Variants in LOC128092253 observed in about 807,000 individuals in gnomAD.
the LOC128092253 span, among the ~76,000 whole-genome samples, chr6:133,978,198 C>T: frequency 1.3e-5 from 2 of 152,108 alleles, no homozygotes. Flanking sequence ...TAACTGGGCT[C>T]TAATGTAATC....
At chr6:133,970,836 C>T in the LOC128092253 span, among the ~76,000 whole-genome samples, 1 of 151,974 alleles carries the variant, frequency 6.6e-6, no homozygotes, top group Non-Finnish European at 1.5e-5. Context: ...TTTTAATTGA[C>T]ACATGATTGT....
the LOC128092253 span, among the ~76,000 whole-genome samples, chr6:133,958,134 G>A: frequency 6.6e-6 from 1 of 152,176 alleles, no homozygotes; most frequent in African/African-American, 2.4e-5. Context: ...GAAAAGGAAG[G>A]CCGACAAAGC....
the LOC128092253 span, among the ~76,000 whole-genome samples, chr6:133,972,110 A>G: frequency 1.6e-4 from 24 of 152,204 alleles, no homozygotes; most frequent in Non-Finnish European, 2.6e-4. Flanking sequence ...CTGAAATTGT[A>G]TCTCAATGTA....
chr6:133,978,067 C>A, the LOC128092253 span, among the ~76,000 whole-genome samples: 1 of 152,128 alleles, frequency 6.6e-6, no homozygotes, highest in African/African-American at 2.4e-5. Flanking sequence ...TATTTTATTT[C>A]TGCCACATTG....
the LOC128092253 span, among the ~76,000 whole-genome samples, chr6:133,977,541 G>T: frequency 5.9e-5 from 9 of 152,054 alleles, no homozygotes; most frequent in African/African-American, 2.2e-4. Flanking sequence ...GAGTCAATTT[G>T]TTTTCTCCTG....
At chr6:133,958,238 C>A in the LOC128092253 span, among the ~76,000 whole-genome samples, 1 of 152,152 alleles carries the variant, frequency 6.6e-6, no homozygotes, top group Non-Finnish European at 1.5e-5. Context: ...AAGGAATAAA[C>A]CCCAATGGTT....
the LOC128092253 span, among the ~76,000 whole-genome samples, chr6:133,955,891 A>G: frequency 6.6e-6 from 1 of 152,254 alleles, no homozygotes; most frequent in Non-Finnish European, 1.5e-5. Context: ...TAACATAGAA[A>G]ATTGTCACAT....
the LOC128092253 span, among the ~76,000 whole-genome samples, chr6:133,973,926 G>A: frequency 1.4e-5 from 2 of 147,706 alleles, no homozygotes; most frequent in Non-Finnish European, 3.0e-5. Context: ...ATCAGAATGG[G>A]AACAACTATT....
At chr6:133,968,029 A>G in the LOC128092253 span, among the ~76,000 whole-genome samples, 2 of 140,112 alleles carry the variant, frequency 1.4e-5, no homozygotes, top group Middle Eastern at 3.8e-3. Flanking sequence ...TTTTTTTTTG[A>G]GACAGAGTCT....
chr6:133,970,004 T>G, the LOC128092253 span, among the ~76,000 whole-genome samples: 1 of 152,212 alleles, frequency 6.6e-6, no homozygotes. Flanking sequence ...TTTCACCTAA[T>G]AGAAGACTTG....
chr6:133,961,653 A>G, the LOC128092253 span, among the ~76,000 whole-genome samples: 2 of 151,670 alleles, frequency 1.3e-5, no homozygotes, highest in Non-Finnish European at 2.9e-5. Context: ...TTTAGTAGAG[A>G]TGGGGTTTCA....
the LOC128092253 span, among the ~76,000 whole-genome samples, chr6:133,979,385 G>T: frequency 6.6e-6 from 1 of 152,136 alleles, no homozygotes; most frequent in Admixed American, 6.5e-5. Context: ...CATGAGAAGG[G>T]TTATATGCCA....
At chr6:133,966,750 A>G in the LOC128092253 span, among the ~76,000 whole-genome samples, 5 of 152,036 alleles carry the variant, frequency 3.3e-5, no homozygotes, top group Non-Finnish European at 5.9e-5. Flanking sequence ...CCCCATATCA[A>G]TCAGAAAATT....
At chr6:133,968,668 TTTTTG>T in the LOC128092253 span, among the ~76,000 whole-genome samples, 8 of 152,134 alleles carry the variant, frequency 5.3e-5, no homozygotes, top group South Asian at 4.2e-4. Context: ...GCATCCAAGT[TTTTTG>T]TTTTGTTTTG....
the LOC128092253 span, among the ~76,000 whole-genome samples, chr6:133,976,150 T>C: frequency 6.6e-6 from 1 of 152,204 alleles, no homozygotes; most frequent in African/African-American, 2.4e-5. Context: ...GTTAACTCTT[T>C]TGCATTCAGT....
At chr6:133,960,418 C>CTTT in the LOC128092253 span, among the ~76,000 whole-genome samples, 4,199 of 131,528 alleles carry the variant, frequency 0.032, 79 homozygotes, top group Non-Finnish European at 0.045. Context: ...GCTGACCAGC[C>CTTT]TTTTTTTTTT....
the LOC128092253 span, among the ~76,000 whole-genome samples, chr6:133,973,969 A>G: frequency 6.9e-6 from 1 of 144,628 alleles, no homozygotes; most frequent in African/African-American, 2.6e-5. Flanking sequence ...ATATATATAT[A>G]TTTGTTTTTT....
chr6:133,975,023 T>C, the LOC128092253 span, among the ~76,000 whole-genome samples: 1 of 152,180 alleles, frequency 6.6e-6, no homozygotes, highest in East Asian at 1.9e-4. Flanking sequence ...AAGTATTAAG[T>C]ATTCAACTTA....
the LOC128092253 span, among the ~76,000 whole-genome samples, chr6:133,963,287 T>G: frequency 6.6e-6 from 1 of 152,200 alleles, no homozygotes; most frequent in East Asian, 1.9e-4. Flanking sequence ...TTCAACCCAG[T>G]CGTTCTCAAC....
Sources: gnomAD v4.1 joint callset for allele counts (sites outside exome capture counted in the v4.1 genomes callset) on GRCh38, gnomAD v4.1.1 for gene constraint, MANE v1.5 for transcripts.